The following DCK variants were observed in gnomAD, a reference collection of about 807,000 sequenced individuals.
DCK encodes deoxyadenosine kinase.
In DCK, 23 loss-of-function variants were observed where a neutral mutation model predicts 38.3. The ratio of observed to expected loss-of-function variants is 0.60; its 90% CI spans 0.43 to 0.85. The LOEUF is 0.85. Ranked by LOEUF, DCK falls within the 40% of genes least tolerant of loss-of-function variation. The pLI, the probability that DCK is intolerant of heterozygous loss-of-function variation, is 0.00. For missense variants in DCK, 259 were observed against 304.4 expected (o/e 0.85, Z 1.11); for synonymous variants, 108 against 100.6 (o/e 1.07, Z -0.44).
chr4:70,997,389 C>T (rs1323142589), intron 1 of DCK, among the ~76,000 whole-genome samples: 1 of 152,154 alleles, frequency 6.6e-6, no homozygotes, highest in Non-Finnish European at 1.5e-5. Flanking sequence ...TCACTGTTAT[C>T]CAGTTTATCG....
intron 2 of DCK, among the ~76,000 whole-genome samples, chr4:71,017,812 G>A (rs918691421): frequency 1.3e-5 from 2 of 151,228 alleles, no homozygotes; most frequent in African/African-American, 4.9e-5. Flanking sequence ...ATAGCATTAG[G>A]AGAAATACCT....
Position 71,030,792 on chromosome 4 carries a change from T to C in DCK, c.*1414T>C, listed in dbSNP as rs1370743267. ...AATTGTATAAATTACTTTGATTCCA[T>C]TTTAAGTGGAGACATATTTCAGTGA... On this transcript the variant is annotated 3_prime_UTR_variant, in exon 7 of 7. Coordinates refer to ENST00000286648, the MANE Select transcript of DCK (RefSeq NM_000788.3). 1 of 152,136 alleles carries C rather than the reference T, an allele frequency of 6.6e-6. No individual in the cohort carries two copies. The highest frequency in any genetic ancestry group is 1.5e-5 in the Non-Finnish European group (1 of 68,000). 9.4% of individuals were successfully genotyped at this position (152,136 alleles called of 1,614,324 possible).
Position 71,022,554 on chromosome 4 carries a change from G to GC in DCK, c.395_396insC (p.Asp133Ter), listed in dbSNP as rs1356675637. The GC allele has an allele frequency of 6.5e-7, 1 of 1,538,146 alleles. No individual in the cohort carries two copies. The highest frequency in any genetic ancestry group is 2.4e-5 in the East Asian group (1 of 42,154). ...TTATTTTTTGAACGATCTGTGTATA[G>GC]TGACAGGTATGTATAAATGGCTTGT... On this transcript the variant is annotated frameshift_variant, in exon 3 of 7. Coordinates refer to ENST00000286648, the MANE Select transcript of DCK (RefSeq NM_000788.3). LOFTEE classifies it high-confidence loss of function.
At chr4:71,021,318 A>G (rs889602042) in intron 2 of DCK, among the ~76,000 whole-genome samples, 1 of 147,702 alleles carries the variant, frequency 6.8e-6, no homozygotes, top group Non-Finnish European at 1.5e-5. Flanking sequence ...CTCATGATCC[A>G]CCCGCCTCGG....
chr4:71,028,749 T>C, intron 6 of DCK: 1 of 324,412 alleles, frequency 3.1e-6, no homozygotes, highest in Non-Finnish European at 5.8e-6. Context: ...CACGCCTCCA[T>C]GCCTAGCTAA....
intron 6 of DCK, among the ~76,000 whole-genome samples, chr4:71,028,977 G>A (rs1402439843): frequency 2.6e-5 from 4 of 152,076 alleles, no homozygotes; most frequent in Admixed American, 6.5e-5. Flanking sequence ...GGCAGGTCTC[G>A]AACTCCTGAC....
At chr4:71,010,963 G>A (rs1328013390) in intron 2 of DCK, among the ~76,000 whole-genome samples, 1 of 148,788 alleles carries the variant, frequency 6.7e-6, no homozygotes, top group East Asian at 2.0e-4. Context: ...TTGAGACGGA[G>A]TCTCGTTCTG....
intron 2 of DCK, among the ~76,000 whole-genome samples, chr4:71,011,569 A>T (rs4490428): frequency 0.81 from 122,870 of 152,078 alleles, 54,274 homozygotes; most frequent in Non-Finnish European, 0.97. Context: ...TGTTGTCTGG[A>T]TTTGTCTCAA....
rs567769599 is a variant in DCK at position 71,029,189 on chromosome 4, C to T, written c.757-163C>T. On this transcript the variant is annotated intron_variant, in intron 6 of 6. Coordinates refer to ENST00000286648, the MANE Select transcript of DCK (RefSeq NM_000788.3). ...AATTACAGGCATGAGCCGCTGCGCC[C>T]GGCCTTAACAATATTTCTTTGGAAA... 2.2e-3 allele frequency among the ~76,000 whole-genome samples: 336 copies of T among 152,278 alleles called. 2 individuals carry two copies. Among genetic ancestry groups the T allele is most frequent in the African/African-American group, 7.6e-3 (317 of 41,552 alleles).
chr4:71,014,386 C>G (rs1200225545), intron 2 of DCK, among the ~76,000 whole-genome samples: 2 of 152,170 alleles, frequency 1.3e-5, no homozygotes, highest in East Asian at 3.8e-4. Context: ...CAAGGATATC[C>G]AGGAATTGAG....
intron 1 of DCK, among the ~76,000 whole-genome samples, chr4:70,995,958 T>G (rs1302829528): frequency 6.6e-6 from 1 of 150,630 alleles, no homozygotes; most frequent in South Asian, 2.1e-4. Context: ...GTAATCCCAG[T>G]GCTTTGGGAG....
At chr4:71,029,172 G>T (rs143084987) in intron 6 of DCK, among the ~76,000 whole-genome samples, 180 bp from the exon 7 acceptor site, 3 of 152,322 alleles carry the variant, frequency 2.0e-5, no homozygotes, top group Non-Finnish European at 2.9e-5. Context: ...AGAATTACAG[G>T]CATGAGCCGC....
intron 2 of DCK, among the ~76,000 whole-genome samples, chr4:71,020,251 T>C (rs1423356025): frequency 6.6e-6 from 1 of 152,246 alleles, no homozygotes; most frequent in East Asian, 1.9e-4. Context: ...GTATTTCCAG[T>C]AAATTTATAG....
At chr4:71,010,670 A>C (rs1205549259) in intron 2 of DCK, among the ~76,000 whole-genome samples, 1 of 147,656 alleles carries the variant, frequency 6.8e-6, no homozygotes, top group Non-Finnish European at 1.5e-5. Flanking sequence ...CATAAGTTAT[A>C]TATAATATAA....
At chr4:71,023,261 A>T (rs1408455875) in intron 3 of DCK, among the ~76,000 whole-genome samples, 3 of 152,154 alleles carry the variant, frequency 2.0e-5, no homozygotes, top group Admixed American at 1.3e-4. Context: ...ATTTTTATTT[A>T]TGCTTCTGTA....
At chr4:71,012,564 G>A (rs558688914) in intron 2 of DCK, among the ~76,000 whole-genome samples, 38 of 152,308 alleles carry the variant, frequency 2.5e-4, no homozygotes, top group Non-Finnish European at 3.5e-4. Context: ...CCTCTGAGAC[G>A]AAGCTTCCAG....
intron 2 of DCK, among the ~76,000 whole-genome samples, chr4:70,998,961 A>G (rs910044411): frequency 6.6e-6 from 1 of 151,888 alleles, no homozygotes; most frequent in Non-Finnish European, 1.5e-5. Flanking sequence ...TTATCAAACT[A>G]TGCATTCAAG....
At chr4:71,020,695 T>TTATG (rs1553943588) in intron 2 of DCK, among the ~76,000 whole-genome samples, 1 of 151,944 alleles carries the variant, frequency 6.6e-6, no homozygotes, top group East Asian at 1.9e-4. Context: ...ATGACTAGAG[T>TTATG]TTTGTTTGTT....
chr4:71,003,761 G>C (rs990147979), intron 2 of DCK, among the ~76,000 whole-genome samples: 17 of 152,198 alleles, frequency 1.1e-4, no homozygotes, highest in South Asian at 8.3e-4. Flanking sequence ...ATTGATACTT[G>C]TGTATGCTTC....
Sources: allele counts gnomAD v4.1 joint callset (sites outside exome capture counted in the v4.1 genomes callset), GRCh38; gene constraint gnomAD v4.1.1; transcripts MANE v1.5; gene names NCBI Gene and HGNC (gene_info 2026-07-23, HGNC 2026-07-21).